MNAT1: variants seen among roughly 807,000 people sequenced by gnomAD.
MNAT1 encodes MNAT1 component of CDK activating kinase.
Under a neutral mutation model 42.0 loss-of-function variants are expected in MNAT1, and 43 were observed. The ratio of observed to expected loss-of-function variants is 1.02; its 90% CI spans 0.80 to 1.32. MNAT1 has a LOEUF of 1.32. Among genes scored for constraint, MNAT1 ranks in the 40% most tolerant of loss-of-function variants. The probability of loss-of-function intolerance (pLI) is 0.00; values close to 1 mark genes in which losing one functional copy is unlikely to be tolerated. For missense variants in MNAT1, 306 were observed against 350.4 expected, an observed-to-expected ratio of 0.87 and a Z score of 1.01; for synonymous variants, 118 against 120.0, an observed-to-expected ratio of 0.98 and a Z score of 0.11.
chr14:60,900,634 A>G (rs2035053437), intron 7 of MNAT1, among the ~76,000 whole-genome samples: 1 of 152,194 alleles, frequency 6.6e-6, no homozygotes, highest in Non-Finnish European at 1.5e-5. Flanking sequence ...ATATTGATGA[A>G]GGTGGCTACT....
chr14:60,914,509 A>C (rs188609302), intron 7 of MNAT1, among the ~76,000 whole-genome samples: 45 of 151,640 alleles, frequency 3.0e-4, no homozygotes, highest in African/African-American at 1.1e-3. Flanking sequence ...TTTTAATTTC[A>C]TGGTTATTAC....
intron 6 of MNAT1, among the ~76,000 whole-genome samples, chr14:60,853,457 G>A (rs1248350042): frequency 6.6e-6 from 1 of 152,024 alleles, no homozygotes; most frequent in South Asian, 2.1e-4. Flanking sequence ...TGAGATGATG[G>A]GATTTTTTAA....
chr14:60,908,543 A>G (rs547943673), intron 7 of MNAT1, among the ~76,000 whole-genome samples: 52 of 151,262 alleles, frequency 3.4e-4, no homozygotes, highest in African/African-American at 1.1e-3. Flanking sequence ...TCATTGTTCA[A>G]TTCCCACCTA....
intron 6 of MNAT1, among the ~76,000 whole-genome samples, chr14:60,831,895 T>C (rs1167436691): frequency 1.3e-5 from 2 of 152,248 alleles, no homozygotes; most frequent in Non-Finnish European, 2.9e-5. Flanking sequence ...TGGTATCTCA[T>C]TGTGGTTTTG....
chr14:60,902,483 T>A (rs2035091135), intron 7 of MNAT1, among the ~76,000 whole-genome samples: 1 of 152,198 alleles, frequency 6.6e-6, no homozygotes, highest in Admixed American at 6.6e-5. Flanking sequence ...TACTTTGAAG[T>A]AAACTTTGTT....
At chr14:60,804,122 A>T (rs1401638541) in intron 3 of MNAT1, among the ~76,000 whole-genome samples, 1 of 152,240 alleles carries the variant, frequency 6.6e-6, no homozygotes, top group Non-Finnish European at 1.5e-5. Context: ...TGTCAAAAAG[A>T]CTTCAAAATT....
At chr14:60,797,959 A>T (rs963980915) in intron 2 of MNAT1, 128 bp from the exon 3 acceptor site, 63 of 511,434 alleles carry the variant, frequency 1.2e-4, no homozygotes, top group Non-Finnish European at 2.2e-4. Flanking sequence ...ATAGAGAACG[A>T]TGTTTTACAC....
At chr14:60,836,361 A>G (rs764128641) in intron 6 of MNAT1, among the ~76,000 whole-genome samples, 10 of 152,082 alleles carry the variant, frequency 6.6e-5, no homozygotes, top group Non-Finnish European at 1.0e-4. Context: ...GTTTTTCTTC[A>G]TCTTTGTGGA....
chr14:60,821,235 G>A (rs769246246), intron 6 of MNAT1, among the ~76,000 whole-genome samples: 1 of 152,030 alleles, frequency 6.6e-6, no homozygotes. Context: ...TCCTGCCTTG[G>A]CCTCCAAAAG....
At chr14:60,827,066 G>A (rs1251026777) in intron 6 of MNAT1, among the ~76,000 whole-genome samples, 1 of 152,112 alleles carries the variant, frequency 6.6e-6, no homozygotes, top group Non-Finnish European at 1.5e-5. Flanking sequence ...AATAAAATGA[G>A]TCACAAAGAT....
chr14:60,862,240 G>A (rs1168337434), intron 6 of MNAT1, among the ~76,000 whole-genome samples: 1 of 152,156 alleles, frequency 6.6e-6, no homozygotes, highest in African/African-American at 2.4e-5. Context: ...TAAATATTAA[G>A]CAAGGAGAGT....
intron 6 of MNAT1, among the ~76,000 whole-genome samples, chr14:60,855,808 A>G (rs2033944850): frequency 6.6e-6 from 1 of 152,168 alleles, no homozygotes; most frequent in Admixed American, 6.5e-5. Flanking sequence ...GTGCTGAAAT[A>G]TGATCAATGA....
At chr14:60,771,676 C>G (rs1283938465) in intron 1 of MNAT1, among the ~76,000 whole-genome samples, 1 of 152,148 alleles carries the variant, frequency 6.6e-6, no homozygotes, top group Non-Finnish European at 1.5e-5. Context: ...CTCTACTATC[C>G]TGAGCACTTT....
intron 7 of MNAT1, among the ~76,000 whole-genome samples, chr14:60,935,584 G>A (rs2035978508): frequency 6.6e-6 from 1 of 152,032 alleles, no homozygotes; most frequent in Admixed American, 6.6e-5. Flanking sequence ...AATACTGTGA[G>A]TGTGTTATGG....
Position 60,879,841 on chromosome 14 carries a change from T to C in MNAT1, c.809+6T>C. The C allele has an allele frequency of 6.2e-7, 1 of 1,610,616 alleles. No individual in the cohort carries two copies. The highest frequency in any genetic ancestry group is 8.5e-7 in the Non-Finnish European group (1 of 1,178,582). ...GAGATGCTAGGAAGACTTGGGTATG[T>C]GTCCTAAAGAACTTTACATTGAGGA... On this transcript the variant is annotated splice_donor_region_variant and intron_variant, in intron 7 of 7. Coordinates refer to ENST00000261245, the MANE Select transcript of MNAT1 (RefSeq NM_002431.4).
chr14:60,962,241 G>A (rs2036606866), intron 7 of MNAT1, among the ~76,000 whole-genome samples: 1 of 152,134 alleles, frequency 6.6e-6, no homozygotes, highest in Non-Finnish European at 1.5e-5. Flanking sequence ...GACAAACATT[G>A]TATTAATCTC....
intron 1 of MNAT1, among the ~76,000 whole-genome samples, chr14:60,739,323 A>C (rs960670779): frequency 1.3e-5 from 2 of 152,132 alleles, no homozygotes; most frequent in Non-Finnish European, 2.9e-5. Flanking sequence ...AAGAGTGTGA[A>C]TACCAAGAGT....
At chr14:60,798,046 A>G (rs1451936518) in intron 2 of MNAT1, 41 bp from the exon 3 acceptor site, 2 of 943,006 alleles carry the variant, frequency 2.1e-6, no homozygotes, top group Non-Finnish European at 3.4e-6. Flanking sequence ...ATTAAAAGCA[A>G]TGATATGTAA....
intron 1 of MNAT1, among the ~76,000 whole-genome samples, chr14:60,791,894 C>T (rs76052348): frequency 0.026 from 3,916 of 152,108 alleles, 137 homozygotes; most frequent in East Asian, 0.11. Flanking sequence ...CAGTTTAATT[C>T]CCACTTGAAA....
Sources: gnomAD v4.1 joint callset for allele counts (sites outside exome capture counted in the v4.1 genomes callset) on GRCh38, gnomAD v4.1.1 for gene constraint, MANE v1.5 for transcripts, NCBI Gene and HGNC (gene_info 2026-07-23, HGNC 2026-07-21) for gene names.